Variants in ASB3 observed in about 807,000 individuals in gnomAD.
ASB3 encodes the protein ankyrin repeat and SOCS box containing 3, also known as ankyrin repeat and SOCS box protein 3.
Under a neutral mutation model 54.5 loss-of-function variants are expected in ASB3, and 41 were observed. The observed-to-expected ratio is 0.75, with a 90% CI of 0.59 to 0.98. The LOEUF is 0.98. Among genes scored for constraint, ASB3 ranks in the 50% least tolerant of loss-of-function variants. The pLI is 0.00. For synonymous variants in ASB3, 266 were observed against 221.2 expected (o/e 1.20, Z -1.80); for missense variants, 733 against 620.0 (o/e 1.18, Z -1.94).
intron 1 of ASB3, chr2:53,774,742 C>T: frequency 2.4e-6 from 1 of 409,932 alleles, no homozygotes; most frequent in Non-Finnish European, 4.3e-6. Flanking sequence ...TTATTGAACA[C>T]TTACTCACTA....
intron 2 of ASB3, among the ~76,000 whole-genome samples, chr2:53,756,044 C>T (rs541452007): frequency 1.2e-3 from 176 of 150,858 alleles, no homozygotes; most frequent in Non-Finnish European, 2.0e-3. Flanking sequence ...CATATGTCTG[C>T]GGTCCCAGTT....
At chr2:53,719,605 C>T (rs12990224) in intron 5 of ASB3, among the ~76,000 whole-genome samples, 3 of 151,684 alleles carry the variant, frequency 2.0e-5, no homozygotes, top group African/African-American at 7.3e-5. Context: ...CACCCAGAGA[C>T]ATTCCAACCT....
At chr2:53,708,394 C>T (rs1669906652) in intron 7 of ASB3, among the ~76,000 whole-genome samples, 1 of 152,182 alleles carries the variant, frequency 6.6e-6, no homozygotes, top group Non-Finnish European at 1.5e-5. Flanking sequence ...AACTATGGGC[C>T]AATTAAACCT....
rs942323933 is a variant in ASB3 at position 53,670,294 on chromosome 2, T to A, written c.*209A>T. 7 of 94,176 alleles carry A rather than the reference T, an allele frequency of 7.4e-5. No individual in the cohort carries two copies. Among genetic ancestry groups the A allele is most frequent in the African/African-American group, 2.2e-4 (5 of 22,988 alleles). 5.8% of individuals were successfully genotyped at this position (94,176 alleles called of 1,614,324 possible). The stretch of plus-strand genomic sequence containing the variant: ...AAGTAATATAAGTGATGTTTACAAT[T>A]TTTTTTTTTTTTTTTTTTTTTTTTA... On this transcript the variant is annotated 3_prime_UTR_variant, in exon 10 of 10. Coordinates refer to ENST00000263634, the MANE Select transcript of ASB3 (RefSeq NM_016115.5).
chr2:53,700,744 A>C (rs966733650), intron 7 of ASB3, among the ~76,000 whole-genome samples: 1 of 152,204 alleles, frequency 6.6e-6, no homozygotes, highest in Non-Finnish European at 1.5e-5. Context: ...AACTGTGAAC[A>C]GGTATTATTA....
At chr2:53,687,672 G>A (rs1257978447) in intron 9 of ASB3, among the ~76,000 whole-genome samples, 5 of 152,106 alleles carry the variant, frequency 3.3e-5, no homozygotes. Flanking sequence ...ACCAAACTTA[G>A]TTTATTGAAC....
intron 6 of ASB3, 24 bp from the exon 7 acceptor site, chr2:53,714,605 A>C: frequency 1.9e-6 from 3 of 1,611,022 alleles, no homozygotes; most frequent in Admixed American, 3.4e-5. Context: ...AATTCAGGAG[A>C]ATTTAGTGTT....
chr2:53,709,237 G>A (rs1669956798), intron 7 of ASB3, among the ~76,000 whole-genome samples: 1 of 152,216 alleles, frequency 6.6e-6, no homozygotes, highest in South Asian at 2.1e-4. Flanking sequence ...AGCCACTCCT[G>A]CTATGGCTCA....
At chr2:53,740,044 G>A (rs1470841627) in intron 3 of ASB3, among the ~76,000 whole-genome samples, 4 of 152,168 alleles carry the variant, frequency 2.6e-5, no homozygotes, top group Admixed American at 6.5e-5. Context: ...AGTCTGTAAC[G>A]AAAAGTTTAA....
chr2:53,773,986 G>A (rs919026800), intron 1 of ASB3, among the ~76,000 whole-genome samples: 3 of 152,104 alleles, frequency 2.0e-5, no homozygotes, highest in Non-Finnish European at 1.5e-5. Context: ...AGTAGGCCAC[G>A]ATCGTGCCAC....
intron 4 of ASB3, among the ~76,000 whole-genome samples, chr2:53,729,069 G>A (rs1175991711): frequency 6.6e-6 from 1 of 152,006 alleles, no homozygotes; most frequent in African/African-American, 2.4e-5. Context: ...ATGAAACACT[G>A]ATCTCTAGGA....
chr2:53,770,846 T>C (rs953320969), intron 1 of ASB3, among the ~76,000 whole-genome samples: 4 of 152,188 alleles, frequency 2.6e-5, no homozygotes, highest in African/African-American at 7.2e-5. Context: ...GACCTTTAAA[T>C]AGGGCAAAGT....
chr2:53,756,753 C>T (rs1366262175), intron 2 of ASB3: 4 of 153,090 alleles, frequency 2.6e-5, no homozygotes, highest in Non-Finnish European at 5.9e-5. Context: ...TGAGCTTTCA[C>T]TCACCGTCCA....
chr2:53,741,603 T>A (rs766576092), intron 3 of ASB3, among the ~76,000 whole-genome samples: 1 of 152,166 alleles, frequency 6.6e-6, no homozygotes, highest in Non-Finnish European at 1.5e-5. Flanking sequence ...TTGTATGGAC[T>A]GGGGTTGAGG....
intron 1 of ASB3, among the ~76,000 whole-genome samples, chr2:53,766,218 G>C (rs1018239973): frequency 3.3e-5 from 5 of 152,166 alleles, no homozygotes; most frequent in Admixed American, 2.0e-4. Context: ...ACCATGAAGA[G>C]ATGAGCCCGG....
chr2:53,727,456 C>T (rs1384714090), intron 5 of ASB3, among the ~76,000 whole-genome samples: 1 of 151,412 alleles, frequency 6.6e-6, no homozygotes, highest in South Asian at 2.1e-4. Context: ...GAGATTGAGA[C>T]CACATGTCTT....
At chr2:53,730,392 T>A (rs542930477) in intron 3 of ASB3, among the ~76,000 whole-genome samples, 7 of 152,154 alleles carry the variant, frequency 4.6e-5, no homozygotes, top group Admixed American at 1.3e-4. Context: ...GTAGTATTTA[T>A]AAGAAAGGAA....
At chr2:53,752,411 C>A (rs1672566610) in intron 2 of ASB3, among the ~76,000 whole-genome samples, 1 of 152,218 alleles carries the variant, frequency 6.6e-6, no homozygotes, top group Non-Finnish European at 1.5e-5. Context: ...TCCCACCCCA[C>A]AGATTGAATA....
chr2:53,717,660 T>C (rs1558536230), intron 5 of ASB3, among the ~76,000 whole-genome samples: 1 of 152,112 alleles, frequency 6.6e-6, no homozygotes, highest in Non-Finnish European at 1.5e-5. Context: ...CACTGAAGGA[T>C]CACAGTCGTG....
Sources: gnomAD v4.1 joint callset for allele counts (sites outside exome capture counted in the v4.1 genomes callset) on GRCh38, gnomAD v4.1.1 for gene constraint, MANE v1.5 for transcripts, NCBI Gene and HGNC (gene_info 2026-07-23, HGNC 2026-07-21) for gene names.